Variants in ROCK1 observed in about 807,000 individuals in gnomAD.
The protein encoded by ROCK1 is rho-associated protein kinase 1.
Under a neutral mutation model 196.8 loss-of-function variants are expected in ROCK1, and 36 were observed. The observed-to-expected ratio is 0.18, with a 90% CI of 0.14 to 0.24. The LOEUF (loss-of-function observed/expected upper bound fraction) is 0.24, where lower values mean the gene tolerates loss of function less well. Among genes scored for constraint, ROCK1 ranks in the 10% least tolerant of loss-of-function variants. ROCK1 has a pLI of 1.00. For synonymous variants in ROCK1, 443 were observed against 515.9 expected, an observed-to-expected ratio of 0.86 and a Z score of 1.91; for missense variants, 920 against 1,562.0, an observed-to-expected ratio of 0.59 and a Z score of 6.93.
chr18:20,986,252 A>G (rs1267024025), intron 19 of ROCK1, among the ~76,000 whole-genome samples: 2 of 152,186 alleles, frequency 1.3e-5, no homozygotes, highest in Non-Finnish European at 2.9e-5. Flanking sequence ...TCAAAAAGTT[A>G]AAGTTCTATC....
chr18:20,967,949 A>T lies in ROCK1; in HGVS notation c.3004-9T>A. The T allele has an allele frequency of 6.7e-7, 1 of 1,486,610 alleles. No individual in the cohort carries two copies. Among genetic ancestry groups the T allele is most frequent in the Non-Finnish European group, 9.1e-7 (1 of 1,100,908 alleles). The allele number at this position is 1,486,610 out of a possible 1,614,324, so 92.1% of individuals were successfully genotyped here. On this transcript the variant is annotated splice_polypyrimidine_tract_variant and intron_variant, in intron 25 of 32. Transcript: ENST00000399799. ...GCCAATTTGTTAACAGCCTATTAAA[A>T]TATTATTAATAAAGATCAATAGTGT... is the stretch of plus-strand genomic sequence containing the variant.
intron 27 of ROCK1, among the ~76,000 whole-genome samples, chr18:20,964,452 A>G (rs1409044972): frequency 2.0e-5 from 3 of 152,178 alleles, no homozygotes; most frequent in African/African-American, 7.2e-5. Flanking sequence ...CAGATTTTCA[A>G]TTTACTAGCA....
intron 1 of ROCK1, among the ~76,000 whole-genome samples, chr18:21,100,601 G>A (rs2036651227): frequency 6.7e-6 from 1 of 150,350 alleles, no homozygotes; most frequent in Admixed American, 6.6e-5. Context: ...AAAAAAAAAA[G>A]ACTGAGAGCG....
chr18:21,098,978 C>G (rs2036634872), intron 1 of ROCK1, among the ~76,000 whole-genome samples: 1 of 152,150 alleles, frequency 6.6e-6, no homozygotes. Flanking sequence ...CATATCATTA[C>G]TAGTGGAAAT....
chr18:21,064,615 G>A (rs1598549417), intron 2 of ROCK1, among the ~76,000 whole-genome samples: 1 of 152,216 alleles, frequency 6.6e-6, no homozygotes, highest in Non-Finnish European at 1.5e-5. Flanking sequence ...GGGAGTAGAA[G>A]AGAGAATGAC....
chr18:20,953,518 TA>T (rs1317089929), intron 32 of ROCK1, 59 bp downstream of exon 32: 5 of 1,304,940 alleles, frequency 3.8e-6, no homozygotes, highest in Non-Finnish European at 4.3e-6. Flanking sequence ...TTTCTGATTT[TA>T]ATAGCTGTTA....
At chr18:21,026,820 T>G (rs893760683) in intron 10 of ROCK1, among the ~76,000 whole-genome samples, 16 of 152,134 alleles carry the variant, frequency 1.1e-4, no homozygotes, top group African/African-American at 3.6e-4. Flanking sequence ...GAGTATAATT[T>G]GATTAGAAGT....
chr18:21,040,074 A>G (rs1168279267), intron 8 of ROCK1, among the ~76,000 whole-genome samples: 1 of 152,248 alleles, frequency 6.6e-6, no homozygotes, highest in Non-Finnish European at 1.5e-5. Flanking sequence ...AAAGAAAACT[A>G]AAGAATAACT....
In ROCK1 at chr18:20,967,932, G is replaced by A; in HGVS notation, c.3012C>T (p.Asn1004=). 1 of 1,529,246 alleles carries A rather than the reference G, an allele frequency of 6.5e-7. No homozygotes were observed. Among genetic ancestry groups the A allele is most frequent in the African/African-American group, 1.4e-5 (1 of 71,756 alleles). 94.7% of individuals were successfully genotyped at this position (1,529,246 alleles called of 1,614,324 possible). ...TTCGATTCATTATTTCTGCCAATTT[G>A]TTAACAGCCTATTAAAATATTATTA... ...TERTLKTQAV[N]KLAEIMNRKD... The change falls in exon 26 of 33, where the codon AAC becomes AAT. Residue 1004 remains asparagine (N), a synonymous_variant. Coordinates refer to ENST00000399799, the MANE Select transcript of ROCK1 (RefSeq NM_005406.3).
Position 20,982,934 on chromosome 18 carries a change from A to G in ROCK1, c.2490-102T>C, listed in dbSNP as rs1227436570. The G allele has an allele frequency of 5.2e-6, 3 of 571,600 alleles. No individual in the cohort carries two copies. In the East Asian group the frequency reaches 9.2e-5, roughly 18 times the overall value. 35.4% of individuals were successfully genotyped at this position (571,600 alleles called of 1,614,324 possible). A position where few individuals can be genotyped will look rare whatever the true frequency, so the allele number is the denominator to read the frequency against. ...TTGCTAATATAAAAAAGTTTACTAAAACAATCTTTATTTTTTAAAAACATA... is the reference window on the plus strand; with the variant it reads ...TTGCTAATATAAAAAAGTTTACTAAGACAATCTTTATTTTTTAAAAACATA... On this transcript the variant is annotated intron_variant, in intron 20 of 32. Coordinates refer to ENST00000399799, the MANE Select transcript of ROCK1 (RefSeq NM_005406.3).
At chr18:21,015,602 T>C (rs2035855650) in intron 12 of ROCK1, 123 bp from the exon 13 acceptor site, 5 of 675,438 alleles carry the variant, frequency 7.4e-6, no homozygotes, top group South Asian at 1.7e-5. Flanking sequence ...GTGCCATGGA[T>C]CTCTTTGGCA....
chr18:21,027,983 G>T (rs1306170931), intron 10 of ROCK1, among the ~76,000 whole-genome samples: 2 of 144,842 alleles, frequency 1.4e-5, no homozygotes, highest in African/African-American at 5.0e-5. Context: ...GGATGGTCTC[G>T]ATCTCCTGAC....
chr18:21,051,291 T>C (rs2036201932), intron 2 of ROCK1, among the ~76,000 whole-genome samples: 1 of 152,162 alleles, frequency 6.6e-6, no homozygotes, highest in Admixed American at 6.5e-5. Flanking sequence ...CTACAAAAAA[T>C]ATTTTTTTAA....
In ROCK1 at chr18:20,967,879, GCTTT is replaced by G. The variant is rs1267845673; in HGVS notation, c.3061_3064del (p.Lys1021LeufsTer6). On this transcript the variant is annotated frameshift_variant, in exon 26 of 33. Coordinates refer to ENST00000399799, the MANE Select transcript of ROCK1 (RefSeq NM_005406.3). LOFTEE classifies it high-confidence loss of function. ...TTTCTTTCTCAAATCTTGTGTATTA[GCTTT>G]CTTTCTATCAATTTTAAAATCTTTT... 1 of 1,595,146 alleles carries G rather than the reference GCTTT, an allele frequency of 6.3e-7. No individual in the cohort carries two copies. Among genetic ancestry groups the G allele is most frequent in the African/African-American group, 1.3e-5 (1 of 74,142 alleles).
chr18:21,049,070 T>C (rs772488254), intron 4 of ROCK1, 22 bp downstream of exon 4: 1 of 1,553,812 alleles, frequency 6.4e-7, no homozygotes, highest in Non-Finnish European at 8.7e-7. Context: ...GCAGCAATAA[T>C]GAAAGAGTAG....
chr18:21,096,777 G>C (rs945670409), intron 1 of ROCK1, among the ~76,000 whole-genome samples: 10 of 152,120 alleles, frequency 6.6e-5, no homozygotes, highest in African/African-American at 2.4e-4. Flanking sequence ...ATGGGGAAAG[G>C]GGAGATAATC....
chr18:21,007,657 T>C (rs1343686326), intron 14 of ROCK1, among the ~76,000 whole-genome samples: 5 of 152,118 alleles, frequency 3.3e-5, no homozygotes, highest in Admixed American at 6.6e-5. Flanking sequence ...ACACAAGAAA[T>C]TCTGGTTTAG....
At chr18:21,042,929 G>A (rs1040055554) in intron 6 of ROCK1, among the ~76,000 whole-genome samples, 2 of 151,726 alleles carry the variant, frequency 1.3e-5, no homozygotes, top group South Asian at 2.1e-4. Flanking sequence ...ATGTATGTAT[G>A]TGTATACATG....
At chr18:20,963,787 T>C (rs2035348651) in intron 27 of ROCK1, among the ~76,000 whole-genome samples, 1 of 152,084 alleles carries the variant, frequency 6.6e-6, no homozygotes, top group Non-Finnish European at 1.5e-5. Flanking sequence ...CCCATAACCG[T>C]AAGGGTAATC....
Sources: allele counts gnomAD v4.1 joint callset (sites outside exome capture counted in the v4.1 genomes callset), GRCh38; gene constraint gnomAD v4.1.1; transcripts MANE v1.5; gene names NCBI Gene and HGNC (gene_info 2026-07-23, HGNC 2026-07-21).